Variants in ASCC3 observed in about 807,000 individuals in gnomAD.
The protein encoded by ASCC3 is activating signal cointegrator 1 complex subunit 3, also known as ASC-1 complex subunit P200.
ASCC3 carries 158 observed loss-of-function variants against 256.3 expected under a neutral mutation model. The ratio of observed to expected loss-of-function variants is 0.62; its 90% confidence interval spans 0.54 to 0.70. The LOEUF (loss-of-function observed/expected upper bound fraction) is 0.70, where lower values mean the gene tolerates loss of function less well. Ranked by LOEUF, ASCC3 falls within the 30% of genes least tolerant of loss-of-function variation. ASCC3 has a pLI of 0.00. For synonymous variants in ASCC3, 948 were observed against 883.4 expected, an observed-to-expected ratio of 1.07 and a Z score of -1.30; for missense variants, 2,259 against 2,626.0, an observed-to-expected ratio of 0.86 and a Z score of 3.05.
intron 37 of ASCC3, among the ~76,000 whole-genome samples, chr6:100,524,884 C>A (rs747603207): frequency 1.3e-5 from 2 of 151,730 alleles, no homozygotes; most frequent in African/African-American, 2.4e-5. Flanking sequence ...ATAGGGATTA[C>A]AATAAACATA....
At chr6:100,661,029 C>T (rs534183408) in intron 16 of ASCC3, among the ~76,000 whole-genome samples, 1 of 151,668 alleles carries the variant, frequency 6.6e-6, no homozygotes, top group Admixed American at 6.6e-5. Context: ...TAATATAGGA[C>T]TTTGTACAAA....
intron 13 of ASCC3, among the ~76,000 whole-genome samples, chr6:100,706,085 A>G (rs1778567927): frequency 6.6e-6 from 1 of 151,866 alleles, no homozygotes; most frequent in Non-Finnish European, 1.5e-5. Flanking sequence ...AAAATATTTA[A>G]ACAGAAAAGA....
intron 13 of ASCC3, among the ~76,000 whole-genome samples, chr6:100,691,191 A>T (rs1195046040): frequency 6.6e-6 from 1 of 151,874 alleles, no homozygotes; most frequent in Non-Finnish European, 1.5e-5. Context: ...TTATCTTACA[A>T]TCAATTCACC....
chr6:100,836,692 C>T (rs1339943079), intron 4 of ASCC3, among the ~76,000 whole-genome samples: 1 of 151,900 alleles, frequency 6.6e-6, no homozygotes, highest in Non-Finnish European at 1.5e-5. Context: ...GCAATACTGG[C>T]CTATAGTTTT....
chr6:100,526,039 A>G (rs947948752), intron 37 of ASCC3, among the ~76,000 whole-genome samples: 1 of 152,122 alleles, frequency 6.6e-6, no homozygotes, highest in African/African-American at 2.4e-5. Flanking sequence ...TTAAAATGCT[A>G]TAAGTACATT....
Position 100,567,167 on chromosome 6 carries a change from T to A in ASCC3, c.5550+22467A>T, listed in dbSNP as rs1203268542. Among the ~76,000 whole-genome samples, 4 of 151,954 alleles carry A rather than the reference T, an allele frequency of 2.6e-5. No homozygotes were observed. In the East Asian group the frequency reaches 7.7e-4, roughly 29 times the overall value. ...AATAAACACATAATCAAGAAAAAAA[T>A]TCTTTAAAATTCCACCACTCAGAGA... On this transcript the variant is annotated intron_variant, in intron 36 of 41. Transcript: ENST00000369162.
intron 30 of ASCC3, among the ~76,000 whole-genome samples, chr6:100,624,134 C>A (rs1774111913): frequency 6.6e-6 from 1 of 150,686 alleles, no homozygotes; most frequent in African/African-American, 2.4e-5. Context: ...AAAAAGACAC[C>A]ATGAAAAAAA....
chr6:100,852,308 G>T (rs948782248), intron 3 of ASCC3, among the ~76,000 whole-genome samples: 1 of 152,126 alleles, frequency 6.6e-6, no homozygotes, highest in Non-Finnish European at 1.5e-5. Context: ...TCTATTAGCC[G>T]GCTGAACCAC....
intron 10 of ASCC3, among the ~76,000 whole-genome samples, chr6:100,733,298 A>G (rs1046785153): frequency 1.1e-4 from 16 of 152,266 alleles, no homozygotes; most frequent in Middle Eastern, 3.4e-3. Context: ...TTGTTCAGTG[A>G]AATTTGTTCC....
At chr6:100,585,800 A>C (rs1275906903) in intron 36 of ASCC3, among the ~76,000 whole-genome samples, 1 of 152,206 alleles carries the variant, frequency 6.6e-6, no homozygotes, top group African/African-American at 2.4e-5. Context: ...CTTCTAACAG[A>C]CAGGACCCTC....
At chr6:100,652,118 ATCAG>A (rs1775704283) in intron 18 of ASCC3, among the ~76,000 whole-genome samples, 2 of 152,290 alleles carry the variant, frequency 1.3e-5, no homozygotes, top group South Asian at 2.1e-4. Flanking sequence ...GTTGAAAAAA[ATCAG>A]TCAAAGGCCA....
chr6:100,526,750 A>G (rs373800534), intron 37 of ASCC3, among the ~76,000 whole-genome samples: 13 of 152,284 alleles, frequency 8.5e-5, no homozygotes, highest in Middle Eastern at 3.4e-3. Context: ...ATCACTCAGG[A>G]TTAAGTTCAT....
At chr6:100,633,555 A>AAG (rs1275314752) in intron 25 of ASCC3, among the ~76,000 whole-genome samples, 2 of 152,044 alleles carry the variant, frequency 1.3e-5, no homozygotes, top group Admixed American at 1.3e-4. Context: ...GTGAAATCAT[A>AAG]AGAAGGAAAT....
intron 4 of ASCC3, among the ~76,000 whole-genome samples, chr6:100,807,521 C>A (rs1271078683): frequency 6.6e-6 from 1 of 151,924 alleles, no homozygotes; most frequent in East Asian, 1.9e-4. Flanking sequence ...TAATACTTAG[C>A]TATTATTTGC....
chr6:100,811,836 T>C (rs1002200103), intron 4 of ASCC3, among the ~76,000 whole-genome samples: 7 of 152,096 alleles, frequency 4.6e-5, no homozygotes, highest in Non-Finnish European at 8.8e-5. Flanking sequence ...GAGGAGCCCA[T>C]TGGGTTCAGG....
chr6:100,831,310 G>C (rs1167592586), intron 4 of ASCC3, among the ~76,000 whole-genome samples: 3 of 150,322 alleles, frequency 2.0e-5, no homozygotes, highest in African/African-American at 7.4e-5. Context: ...ATACTTTAAT[G>C]CAACTCTTCT....
At position 100,809,385 on chromosome 6, in the gene ASCC3, T is replaced by A. The variant is rs574757622; in HGVS notation, c.802-3505A>T. 2.1e-4 allele frequency among the ~76,000 whole-genome samples: 32 copies of A among 152,174 alleles called. No individual in the cohort carries two copies. The South Asian group carries it at 5.8e-3, about 28-fold the overall frequency. ...TTAAAATTTTTATTTTTTCAACTTG[T>A]TAATTAAAACTTCACACAAAAAAAC... is the stretch of plus-strand genomic sequence containing the variant. On this transcript the variant is annotated intron_variant, in intron 4 of 41. Coordinates refer to ENST00000369162, the MANE Select transcript of ASCC3 (RefSeq NM_006828.4).
chr6:100,803,591 C>T (rs1233651312), intron 5 of ASCC3, among the ~76,000 whole-genome samples: 1 of 152,016 alleles, frequency 6.6e-6, no homozygotes, highest in South Asian at 2.1e-4. Flanking sequence ...AAGGTGGGAG[C>T]GCTCTTGGAG....
chr6:100,661,954 C>T lies in ASCC3; in HGVS notation c.2555G>A (p.Arg852Gln). The T allele has an allele frequency of 1.2e-6, 2 of 1,613,248 alleles. No homozygotes were observed. The highest frequency in any genetic ancestry group is 2.2e-5 in the East Asian group (1 of 44,854). ...TTTGTCAAATTGTGGTCGTCCAGCT[C>T]GACCAAATATCTGCATGACATCTAA... ...GILDVMQIFG[R>Q]AGRPQFDKFG... The change falls in exon 16 of 42, where the codon CGA (arginine) becomes CAA (glutamine). Residue 852 changes from arginine (R) to glutamine (Q), a missense_variant. Physicochemically the swap from Arg to Gln is conservative, Grantham distance 43. Coordinates refer to ENST00000369162, the MANE Select transcript of ASCC3 (RefSeq NM_006828.4).
Sources: allele counts gnomAD v4.1 joint callset (sites outside exome capture counted in the v4.1 genomes callset), GRCh38; gene constraint gnomAD v4.1.1; transcripts MANE v1.5; gene names NCBI Gene and HGNC (gene_info 2026-07-23, HGNC 2026-07-21).